The following ATP2B4 variants were observed in gnomAD, a reference collection of about 807,000 sequenced individuals.
ATP2B4 encodes plasma membrane calcium-transporting ATPase 4.
In ATP2B4, 39 loss-of-function variants were observed where a neutral mutation model predicts 110.3. The observed-to-expected ratio is 0.35, with a 90% CI of 0.27 to 0.46. The LOEUF (loss-of-function observed/expected upper bound fraction) is 0.46. Among genes scored for constraint, ATP2B4 ranks in the 20% least tolerant of loss-of-function variants. ATP2B4 has a pLI of 1.00. For synonymous variants in ATP2B4, 538 were observed against 571.7 expected, an observed-to-expected ratio of 0.94 and a Z score of 0.84; for missense variants, 1,135 against 1,530.9, an observed-to-expected ratio of 0.74 and a Z score of 4.32.
In ATP2B4 at chr1:203,720,544, C is replaced by T. The variant is rs372351294; in HGVS notation, c.2407-5C>T. 6.7e-5 allele frequency: 107 copies of T among 1,596,798 alleles called. No individual in the cohort carries two copies. Among genetic ancestry groups the T allele is most frequent in the Non-Finnish European group, 8.5e-5 (100 of 1,170,844 alleles). On this transcript the variant is annotated splice_region_variant and splice_polypyrimidine_tract_variant and intron_variant, in intron 15 of 20. Coordinates refer to ENST00000357681, the MANE Select transcript of ATP2B4 (RefSeq NM_001684.5). ...CTCACTGTTTTCCCTCCCATCTTACCTCAGGGCATCGCAGGCACAGATGTA... is the reference window on the plus strand; with the variant it reads ...CTCACTGTTTTCCCTCCCATCTTACTTCAGGGCATCGCAGGCACAGATGTA...
chr1:203,628,169 C>A (rs1263041363), intron 1 of ATP2B4, among the ~76,000 whole-genome samples: 5 of 152,332 alleles, frequency 3.3e-5, no homozygotes, highest in African/African-American at 9.6e-5. Flanking sequence ...TGCTGAAGAG[C>A]TAGGAATTAA....
intron 1 of ATP2B4, among the ~76,000 whole-genome samples, chr1:203,627,468 T>C (rs949191722): frequency 6.6e-6 from 1 of 152,158 alleles, no homozygotes; most frequent in East Asian, 1.9e-4. Context: ...TTGTCATTCC[T>C]GGGCTATGGG....
At chr1:203,706,276 G>A (rs1163389779) in intron 8 of ATP2B4, among the ~76,000 whole-genome samples, 4 of 152,140 alleles carry the variant, frequency 2.6e-5, no homozygotes, top group African/African-American at 9.7e-5. Context: ...GTAGTCTCAG[G>A]ATGGTTTGGT....
intron 15 of ATP2B4, among the ~76,000 whole-genome samples, chr1:203,717,855 G>A (rs1220931341): frequency 1.3e-5 from 2 of 151,974 alleles, no homozygotes; most frequent in South Asian, 2.1e-4. Context: ...TGTTGGCCAG[G>A]CTGGTCTCAA....
chr1:203,735,749 T>C (rs1666862605), intron 20 of ATP2B4, among the ~76,000 whole-genome samples: 1 of 152,248 alleles, frequency 6.6e-6, no homozygotes, highest in South Asian at 2.1e-4. Flanking sequence ...AGTTCTTTCA[T>C]ATTCCTCTCT....
intron 2 of ATP2B4, among the ~76,000 whole-genome samples, chr1:203,690,615 G>T (rs1452005559): frequency 1.3e-5 from 2 of 152,034 alleles, no homozygotes; most frequent in African/African-American, 4.8e-5. Context: ...GTCTGTTCTG[G>T]AATATCAATT....
Position 203,741,889 on chromosome 1 carries a change from C to T in ATP2B4, c.*2035C>T, listed in dbSNP as rs1015560194. 1 of 152,632 alleles carries T rather than the reference C, an allele frequency of 6.6e-6. No individual in the cohort carries two copies. Among genetic ancestry groups the T allele is most frequent in the African/African-American group, 2.4e-5 (1 of 41,448 alleles). The allele number at this position is 152,632 out of a possible 1,614,324, so 9.5% of individuals were successfully genotyped here. A position where few individuals can be genotyped will look rare whatever the true frequency, so the allele number is the denominator to read the frequency against. On this transcript the variant is annotated 3_prime_UTR_variant, in exon 21 of 21. Coordinates refer to ENST00000357681, the MANE Select transcript of ATP2B4 (RefSeq NM_001684.5). ...ATCAACTATTTTAGAAGATTTAATT[C>T]TATCAAATCTTGTATTACCTCAGAT...
At chr1:203,627,602 C>A (rs1421787616) in intron 1 of ATP2B4, among the ~76,000 whole-genome samples, 3 of 150,032 alleles carry the variant, frequency 2.0e-5, no homozygotes, top group African/African-American at 7.4e-5. Flanking sequence ...GGGAATGAGA[C>A]GCAGGATGGA....
At chr1:203,738,725 C>T (rs992496786) in intron 20 of ATP2B4, among the ~76,000 whole-genome samples, 1 of 152,118 alleles carries the variant, frequency 6.6e-6, no homozygotes, top group African/African-American at 2.4e-5. Context: ...GAGACATGAA[C>T]GTGCATTTGA....
chr1:203,729,004 G>C (rs1666610115), intron 20 of ATP2B4, among the ~76,000 whole-genome samples: 1 of 152,026 alleles, frequency 6.6e-6, no homozygotes, highest in South Asian at 2.1e-4. Flanking sequence ...TGTAGTCCCA[G>C]CTACTTGGGA....
intron 10 of ATP2B4, among the ~76,000 whole-genome samples, chr1:203,708,449 A>G (rs1665912600): frequency 6.6e-6 from 1 of 152,212 alleles, no homozygotes; most frequent in Non-Finnish European, 1.5e-5. Flanking sequence ...GTGTATTAGA[A>G]TAAGACCCAC....
rs1666851487 is a variant in ATP2B4 at position 203,735,323 on chromosome 1, C to T, written c.3310-4223C>T. Among the ~76,000 whole-genome samples, 4 of 152,172 alleles carry T rather than the reference C, an allele frequency of 2.6e-5. No homozygotes were observed. In the South Asian group the frequency reaches 8.3e-4, roughly 32 times the overall value. ...GGATTCTTGCTAATGCTTATGTCTT[C>T]CTATTCCTGGTCATTTTCCCTTCCC... is the stretch of plus-strand genomic sequence containing the variant. On this transcript the variant is annotated intron_variant, in intron 20 of 20. Transcript: ENST00000357681.
At chr1:203,632,084 A>C (rs1663286139) in intron 1 of ATP2B4, among the ~76,000 whole-genome samples, 2 of 152,018 alleles carry the variant, frequency 1.3e-5, no homozygotes. Flanking sequence ...GCCCAGCCAC[A>C]AGGTGGTTTT....
rs1491091126 is a variant in ATP2B4, at chr1:203,678,169, A to AG, written c.-464-4568dup. Among the ~76,000 whole-genome samples the AG allele has an allele frequency of 1.1e-4, 16 of 152,282 alleles. No individual in the cohort carries two copies. The East Asian group carries it at 2.7e-3, about 26-fold the overall frequency. Reference sequence around the variant, plus strand: ...GGAGCATTTAGTAGCGGGGAGACTCAGGGGGTGAGTTCCTTTCATATTTTC... The same window carrying AG: ...GGAGCATTTAGTAGCGGGGAGACTCAGGGGGGTGAGTTCCTTTCATATTTTC... On this transcript the variant is annotated intron_variant, in intron 1 of 20. Coordinates refer to ENST00000357681, the MANE Select transcript of ATP2B4 (RefSeq NM_001684.5).
At chr1:203,675,442 T>C (rs551797753) in intron 1 of ATP2B4, among the ~76,000 whole-genome samples, 6 of 152,248 alleles carry the variant, frequency 3.9e-5, no homozygotes, top group South Asian at 2.1e-4. Context: ...CCAGTGAACA[T>C]CCTTGCACAT....
rs200236025 is a variant in ATP2B4, at chr1:203,721,174, G to C, written c.2599-23G>C. 2.5e-6 allele frequency: 4 copies of C among 1,612,346 alleles called. No individual in the cohort carries two copies. The East Asian group carries it at 6.7e-5, about 27-fold the overall frequency. ...GGCTGGTTTCAGAGAAAAGCTAAAA[G>C]GACTGGTTCTTCTCCCCGCCAGGAT... On this transcript the variant is annotated intron_variant, in intron 16 of 20. Coordinates refer to ENST00000357681, the MANE Select transcript of ATP2B4 (RefSeq NM_001684.5).
chr1:203,737,690 T>C (rs1463107509), intron 20 of ATP2B4, among the ~76,000 whole-genome samples: 1 of 152,222 alleles, frequency 6.6e-6, no homozygotes, highest in African/African-American at 2.4e-5. Flanking sequence ...AATGTGGTCC[T>C]CGCTGTCTGT....
intron 20 of ATP2B4, chr1:203,733,162 T>C (rs1666781311): frequency 1.3e-6 from 2 of 1,498,442 alleles, no homozygotes; most frequent in Admixed American, 3.9e-5. Context: ...CCCTTCCTCT[T>C]TCTTCACCTC....
chr1:203,654,443 A>C (rs1221553193), intron 1 of ATP2B4, among the ~76,000 whole-genome samples: 1 of 152,230 alleles, frequency 6.6e-6, no homozygotes. Flanking sequence ...TCTGCAGCTC[A>C]TGGAACAAGG....
Sources: gnomAD v4.1 joint callset for allele counts (sites outside exome capture counted in the v4.1 genomes callset) on GRCh38, gnomAD v4.1.1 for gene constraint, MANE v1.5 for transcripts, NCBI Gene and HGNC (gene_info 2026-07-23, HGNC 2026-07-21) for gene names.